The following TSPAN5 variants were observed in gnomAD, a reference collection of about 807,000 sequenced individuals.
TSPAN5 encodes tetraspanin 5, also known as tetraspanin-5.
A neutral mutation model predicts 37.1 loss-of-function variants in TSPAN5; 10 were observed. The ratio of observed to expected loss-of-function variants is 0.27; its 90% CI spans 0.17 to 0.46. TSPAN5 has a LOEUF of 0.46. Ranked by LOEUF, TSPAN5 falls within the 20% of genes least tolerant of loss-of-function variation. TSPAN5 has a pLI of 1.00. For synonymous variants in TSPAN5, 110 were observed against 118.9 expected (o/e 0.93, Z 0.48); for missense variants, 195 against 326.6 (o/e 0.60, Z 3.11).
At chr4:98,538,200 T>C (rs1273099620) in intron 1 of TSPAN5, among the ~76,000 whole-genome samples, 13 of 152,244 alleles carry the variant, frequency 8.5e-5, no homozygotes, top group Non-Finnish European at 1.9e-4. Flanking sequence ...GTCAGTTATG[T>C]AGTTGCTCCA....
At chr4:98,586,241 T>C (rs1196476813) in intron 1 of TSPAN5, among the ~76,000 whole-genome samples, 1 of 152,238 alleles carries the variant, frequency 6.6e-6, no homozygotes, top group Non-Finnish European at 1.5e-5. Flanking sequence ...TCCAATTAGT[T>C]TAAAAGTAGT....
chr4:98,641,282 G>A lies in TSPAN5; in HGVS notation c.81+16864C>T, dbSNP rs545971356. Reference sequence around the variant, plus strand: ...ATATGTGAATGTGTAGGTTATGTTCGTCACCACAGAACCTTCAAACACCTA... The same window carrying A: ...ATATGTGAATGTGTAGGTTATGTTCATCACCACAGAACCTTCAAACACCTA... On this transcript the variant is annotated intron_variant, in intron 1 of 7. Coordinates refer to ENST00000305798, the MANE Select transcript of TSPAN5 (RefSeq NM_005723.4). Among the ~76,000 whole-genome samples, 5 of 152,160 alleles carry A rather than the reference G, an allele frequency of 3.3e-5. No individual in the cohort carries two copies. The East Asian group carries it at 5.8e-4, about 18-fold the overall frequency.
chr4:98,560,122 C>G (rs1349896570), intron 1 of TSPAN5: 1 of 152,198 alleles, frequency 6.6e-6, no homozygotes, highest in African/African-American at 2.4e-5. Context: ...GTCCAAATGC[C>G]ACTTAATGAC....
chr4:98,620,925 T>G (rs1331171487), intron 1 of TSPAN5, among the ~76,000 whole-genome samples: 3 of 152,214 alleles, frequency 2.0e-5, no homozygotes, highest in Non-Finnish European at 4.4e-5. Context: ...TGGGTTGAAC[T>G]GCATATCCCC....
chr4:98,630,883 T>C (rs1756729981), intron 1 of TSPAN5, among the ~76,000 whole-genome samples: 1 of 152,082 alleles, frequency 6.6e-6, no homozygotes, highest in Non-Finnish European at 1.5e-5. Context: ...CGAATGAGAG[T>C]TCACTGGGAA....
At chr4:98,632,867 C>T (rs114060462) in intron 1 of TSPAN5, among the ~76,000 whole-genome samples, 25 of 151,944 alleles carry the variant, frequency 1.6e-4, no homozygotes, top group Admixed American at 5.2e-4. Flanking sequence ...AAGCACAGAC[C>T]GGGAGGATTT....
In TSPAN5 at chr4:98,592,421, G is replaced by GTTTTTTTTTTTTTTTT. The variant is rs1204813183; in HGVS notation, c.81+65724_81+65725insAAAAAAAAAAAAAAAA. 2.7e-4 allele frequency among the ~76,000 whole-genome samples: 26 copies of GTTTTTTTTTTTTTTTT among 95,236 alleles called. 2 individuals carry two copies. The highest frequency in any genetic ancestry group is 1.1e-3 in the African/African-American group (25 of 22,744). The allele number at this position is 95,236 out of a possible 152,430, so 62.5% of individuals were successfully genotyped here. ...TGGTTTACCTAACTAAGGGATCTCT[G>GTTTTTTTTTTTTTTTT]TTTTTTGTTTTTTTTTTTTTTTTTT... On this transcript the variant is annotated intron_variant, in intron 1 of 7. Coordinates refer to ENST00000305798, the MANE Select transcript of TSPAN5 (RefSeq NM_005723.4).
intron 1 of TSPAN5, among the ~76,000 whole-genome samples, chr4:98,654,975 T>C (rs557867878): frequency 3.9e-5 from 6 of 152,170 alleles, no homozygotes; most frequent in African/African-American, 1.4e-4. Context: ...GCCTCCCGAG[T>C]AGCTGGGACT....
chr4:98,481,535 A>G (rs1208637495), intron 4 of TSPAN5, among the ~76,000 whole-genome samples: 1 of 152,228 alleles, frequency 6.6e-6, no homozygotes, highest in Non-Finnish European at 1.5e-5. Context: ...TGCATGTGCA[A>G]TAATAATATT....
chr4:98,486,646 A>G (rs773456280), intron 3 of TSPAN5, 92 bp downstream of exon 3: 235 of 1,482,074 alleles, frequency 1.6e-4, no homozygotes, highest in Middle Eastern at 6.9e-4. Context: ...TGCCTTTGGT[A>G]CAGCTCACTG....
rs113597309 is a variant in TSPAN5 at position 98,561,646 on chromosome 4, A to G, written c.82-53918T>C. Among the ~76,000 whole-genome samples the G allele has an allele frequency of 1.6e-3, 237 of 152,360 alleles. 2 individuals are homozygous for G. The highest frequency in any genetic ancestry group is 5.4e-3 in the African/African-American group (224 of 41,574). On this transcript the variant is annotated intron_variant, in intron 1 of 7. Transcript: ENST00000305798. Reference sequence around the variant, plus strand: ...TATTCTTGGCAGTGGAAAGCGTATAAGCAAAGAAAGGAAGAAAATACATGA... The same window carrying G: ...TATTCTTGGCAGTGGAAAGCGTATAGGCAAAGAAAGGAAGAAAATACATGA...
chr4:98,658,083 G>A, intron 1 of TSPAN5, 63 bp downstream of exon 1: 1 of 1,433,860 alleles, frequency 7.0e-7, no homozygotes, highest in Non-Finnish European at 9.8e-7. Flanking sequence ...CGAACAACGT[G>A]GGGGAAATCG....
chr4:98,501,859 C>A (rs1038884430), intron 2 of TSPAN5, among the ~76,000 whole-genome samples: 1 of 152,182 alleles, frequency 6.6e-6, no homozygotes, highest in Non-Finnish European at 1.5e-5. Context: ...AGGATCACTC[C>A]AGCTGCTGCA....
chr4:98,524,424 T>C (rs987407766), intron 1 of TSPAN5, among the ~76,000 whole-genome samples: 2 of 152,186 alleles, frequency 1.3e-5, no homozygotes, highest in African/African-American at 2.4e-5. Flanking sequence ...CAGGGAAGTT[T>C]TGTGCAATAT....
At chr4:98,528,987 A>G (rs1271969170) in intron 1 of TSPAN5, among the ~76,000 whole-genome samples, 2 of 152,148 alleles carry the variant, frequency 1.3e-5, no homozygotes, top group African/African-American at 4.8e-5. Context: ...CAGTTAAGTG[A>G]CTCACCCAAG....
At chr4:98,564,005 T>C (rs192120553) in intron 1 of TSPAN5, among the ~76,000 whole-genome samples, 6 of 152,302 alleles carry the variant, frequency 3.9e-5, no homozygotes, top group African/African-American at 1.4e-4. Flanking sequence ...CCTTGAGGCC[T>C]AGAACCAGTA....
intron 1 of TSPAN5, among the ~76,000 whole-genome samples, chr4:98,541,486 G>A (rs1375121149): frequency 1.3e-5 from 2 of 151,764 alleles, no homozygotes; most frequent in African/African-American, 4.8e-5. Context: ...ACTAGCCTGG[G>A]CAACATGGAA....
At chr4:98,609,712 G>A (rs1045137058) in intron 1 of TSPAN5, among the ~76,000 whole-genome samples, 2 of 152,112 alleles carry the variant, frequency 1.3e-5, no homozygotes, top group Non-Finnish European at 2.9e-5. Flanking sequence ...CAGTTCAGGG[G>A]TAATGTCCCA....
chr4:98,537,631 G>C (rs1178689211), intron 1 of TSPAN5, among the ~76,000 whole-genome samples: 1 of 152,176 alleles, frequency 6.6e-6, no homozygotes, highest in Non-Finnish European at 1.5e-5. Flanking sequence ...TCTTTCTGCT[G>C]GCAAATCCCA....
Sources: allele counts gnomAD v4.1 joint callset (sites outside exome capture counted in the v4.1 genomes callset), GRCh38; gene constraint gnomAD v4.1.1; transcripts MANE v1.5; gene names NCBI Gene and HGNC (gene_info 2026-07-23, HGNC 2026-07-21).